The following CSNK2A2 variants were observed in gnomAD, a reference collection of about 807,000 sequenced individuals.
CSNK2A2 encodes casein kinase II subunit alpha'.
In CSNK2A2, 8 loss-of-function variants were observed where a neutral mutation model predicts 54.0. The observed-to-expected ratio is 0.15, with a 90% confidence interval of 0.09 to 0.27. The LOEUF is 0.27. CSNK2A2 is among the 10% of genes least tolerant of loss of function. CSNK2A2 has a pLI of 1.00. For synonymous variants in CSNK2A2, 141 were observed against 153.9 expected (o/e 0.92, Z 0.62); for missense variants, 242 against 439.4 (o/e 0.55, Z 4.02).
intron 3 of CSNK2A2, among the ~76,000 whole-genome samples, 155 bp from the exon 4 acceptor site, chr16:58,184,465 TATG>T (rs1015276508): frequency 2.6e-5 from 4 of 152,228 alleles, no homozygotes; most frequent in Non-Finnish European, 5.9e-5. Flanking sequence ...CTTGAAATTT[TATG>T]ATGTCTGGAA....
intron 2 of CSNK2A2, among the ~76,000 whole-genome samples, chr16:58,187,161 T>C (rs1042106933): frequency 1.3e-5 from 2 of 151,162 alleles, no homozygotes; most frequent in African/African-American, 4.9e-5. Flanking sequence ...TTGGGCTTAC[T>C]AGATAACTGC....
intron 9 of CSNK2A2, among the ~76,000 whole-genome samples, 171 bp from the exon 10 acceptor site, chr16:58,165,879 C>T (rs1961548287): frequency 6.6e-6 from 1 of 152,192 alleles, no homozygotes; most frequent in South Asian, 2.1e-4. Flanking sequence ...CATCCTGAAA[C>T]ACAATGGTGC....
At position 58,164,103 on chromosome 16, in the gene CSNK2A2, C is replaced by T. The variant is rs1961490132; in HGVS notation, c.1021G>A (p.Val341Met). 3.1e-6 allele frequency: 5 copies of T among 1,613,988 alleles called. No homozygotes were observed. The highest frequency in any genetic ancestry group is 4.2e-6 in the Non-Finnish European group (5 of 1,179,942). The change falls in exon 11 of 12, where the codon GTG (valine) becomes ATG (methionine). Residue 341 changes from valine (V) to methionine (M), a missense_variant. Val to Met is a conservative substitution (Grantham distance 21). Around this residue, in one of 5 missense-constraint regions of CSNK2A2, gnomAD observed 81 missense variants for 135.0 expected, o/e 0.60. Coordinates refer to ENST00000262506, the MANE Select transcript of CSNK2A2 (RefSeq NM_001896.4). ...EQSQPCADNA[V>M]LSSGLTAAR ...GCTGCCGTGAGACCACTGGAAAGCA[C>T]AGCATTGTCTGCACAAGGCTGGGAC...
chr16:58,194,750 T>C (rs1000304372), intron 2 of CSNK2A2, among the ~76,000 whole-genome samples: 3 of 152,216 alleles, frequency 2.0e-5, no homozygotes, highest in Non-Finnish European at 4.4e-5. Context: ...GGTCTCCCAT[T>C]TGTAAAGATA....
At chr16:58,176,230 GA>G (rs1383678288) in intron 4 of CSNK2A2, among the ~76,000 whole-genome samples, 1 of 152,164 alleles carries the variant, frequency 6.6e-6, no homozygotes, top group Admixed American at 6.5e-5. Context: ...TTTATTTCCA[GA>G]AAACTAACAT....
chr16:58,189,667 G>T (rs150044913), intron 2 of CSNK2A2, among the ~76,000 whole-genome samples: 1 of 152,148 alleles, frequency 6.6e-6, no homozygotes, highest in Non-Finnish European at 1.5e-5. Context: ...CCAAACTAGA[G>T]ACTGGGAATA....
At chr16:58,170,471 C>G (rs1038799712) in intron 5 of CSNK2A2, among the ~76,000 whole-genome samples, 2 of 152,034 alleles carry the variant, frequency 1.3e-5, no homozygotes, top group African/African-American at 4.8e-5. Context: ...TCCACTCATG[C>G]TTTCATTTCC....
Position 58,197,161 on chromosome 16 carries a change from C to A in CSNK2A2, c.105-317G>T, listed in dbSNP as rs1039212104. 3 of 348,510 alleles carry A rather than the reference C, an allele frequency of 8.6e-6. No homozygotes were observed. Among genetic ancestry groups the A allele is most frequent in the Non-Finnish European group, 1.6e-5 (3 of 185,542 alleles). The allele number at this position is 348,510 out of a possible 1,614,324, so 21.6% of individuals were successfully genotyped here. On this transcript the variant is annotated intron_variant, in intron 1 of 11. Transcript: ENST00000262506. The surrounding 1 kb of genome is among the most constrained non-coding windows in gnomAD (Gnocchi z 4.0). ...CCCCCTGTGCCCCGCGGCTCCCCAG[C>A]ACCTGCTTCTCGTTTCACATCTTCA...
chr16:58,197,553 G>T lies in CSNK2A2; in HGVS notation c.104+80C>A, dbSNP rs977364425. On this transcript the variant is annotated intron_variant, in intron 1 of 11. Transcript: ENST00000262506. This position sits in a 1 kb window ranked among gnomAD's most constrained non-coding sequence, Gnocchi z 4.0. ...GGAGGGGTCGGCGGGAGACACCACC[G>T]GGCCCGAGTGCGGTTCGCAGGGGGT... 191 of 929,170 alleles carry T rather than the reference G, an allele frequency of 2.1e-4. No homozygotes were observed. Among genetic ancestry groups the T allele is most frequent in the Non-Finnish European group, 2.9e-4 (184 of 639,126 alleles). The allele number at this position is 929,170 out of a possible 1,614,324, so 57.6% of individuals were successfully genotyped here. A position where few individuals can be genotyped will look rare whatever the true frequency, so the allele number is the denominator to read the frequency against.
rs1293208170 is a variant in CSNK2A2, at chr16:58,196,718, T to C, written c.216+15A>G. ...TGGGGAGGAAAATGTTACATACCAC[T>C]CATAGGACACTCACCTTCAGGATTT... On this transcript the variant is annotated intron_variant, in intron 2 of 11. Transcript: ENST00000262506. 1.3e-6 allele frequency: 2 copies of C among 1,549,198 alleles called. No homozygotes were observed. Among genetic ancestry groups the C allele is most frequent in the Non-Finnish European group, 1.8e-6 (2 of 1,120,928 alleles).
Position 58,158,770 on chromosome 16 carries a change from C to G in CSNK2A2, c.*18-417G>C, listed in dbSNP as rs1435297293. On this transcript the variant is annotated intron_variant, in intron 11 of 11. Transcript: ENST00000262506. The stretch of plus-strand genomic sequence containing the variant: ...CCTGATTATCTGAGGTGTCTTAGGA[C>G]TAAGACGGGGTCTGTATTTACTCAG... 4 of 152,306 alleles carry G rather than the reference C, an allele frequency of 2.6e-5. No homozygotes were observed. In the East Asian group the frequency reaches 5.8e-4, roughly 22 times the overall value. The allele number at this position is 152,306 out of a possible 1,614,324, so 9.4% of individuals were successfully genotyped here. A position where few individuals can be genotyped will look rare whatever the true frequency, so the allele number is the denominator to read the frequency against.
intron 5 of CSNK2A2, among the ~76,000 whole-genome samples, chr16:58,169,670 G>A (rs1230265331): frequency 2.6e-5 from 4 of 152,168 alleles, no homozygotes; most frequent in African/African-American, 7.2e-5. Flanking sequence ...GGCTTATTTT[G>A]TACATAAGGG....
At position 58,197,047 on chromosome 16, in the gene CSNK2A2, C is replaced by T. The variant is rs990849655; in HGVS notation, c.105-203G>A. ...AGAGCTCCTAACCTAATTGGTCTCT[C>T]CTAACTTGGGAAGATGGGGCAGGAA... On this transcript the variant is annotated intron_variant, in intron 1 of 11. Coordinates refer to ENST00000262506, the MANE Select transcript of CSNK2A2 (RefSeq NM_001896.4). The surrounding 1 kb of genome is among the most constrained non-coding windows in gnomAD (Gnocchi z 4.0). 1.8e-6 allele frequency: 1 copy of T among 541,934 alleles called. No individual in the cohort carries two copies. The highest frequency in any genetic ancestry group is 3.3e-6 in the Non-Finnish European group (1 of 299,090). 33.6% of individuals were successfully genotyped at this position (541,934 alleles called of 1,614,324 possible).
intron 4 of CSNK2A2, among the ~76,000 whole-genome samples, chr16:58,180,177 A>G (rs1961996124): frequency 6.6e-6 from 1 of 152,036 alleles, no homozygotes; most frequent in African/African-American, 2.4e-5. Flanking sequence ...ACAAAGTTGA[A>G]GGAAGAAAGA....
At chr16:58,186,006 C>A (rs938513603) in intron 3 of CSNK2A2, among the ~76,000 whole-genome samples, 1 of 152,192 alleles carries the variant, frequency 6.6e-6, no homozygotes, top group African/African-American at 2.4e-5. Context: ...AAACCTATTT[C>A]TTTAATAAAC....
intron 4 of CSNK2A2, among the ~76,000 whole-genome samples, chr16:58,179,242 G>A (rs770788506): frequency 2.6e-5 from 4 of 152,188 alleles, no homozygotes; most frequent in Non-Finnish European, 4.4e-5. Flanking sequence ...GCTCAAGCCT[G>A]TAATCCCAGC....
At chr16:58,174,149 G>T in intron 5 of CSNK2A2, 1 of 225,650 alleles carries the variant, frequency 4.4e-6, no homozygotes, top group Non-Finnish European at 8.5e-6. Flanking sequence ...GGGATGATTT[G>T]TTACATTCAC....
chr16:58,166,543 A>G (rs749628522), intron 9 of CSNK2A2, 41 bp downstream of exon 9: 1 of 1,394,824 alleles, frequency 7.2e-7, no homozygotes, highest in East Asian at 2.3e-5. Context: ...CACTTCTGAA[A>G]CGGGGTAAGG....
At position 58,167,286 on chromosome 16, in the gene CSNK2A2, A is replaced by G; in HGVS notation, c.647T>C (p.Met216Thr). 1 of 1,613,394 alleles carries G rather than the reference A, an allele frequency of 6.2e-7. No homozygotes were observed. Among genetic ancestry groups the G allele is most frequent in the Non-Finnish European group, 8.5e-7 (1 of 1,179,654 alleles). Residue 216 changes from methionine (M) to threonine (T), a missense_variant, in exon 8 of 12, where the codon ATG (methionine) becomes ACG (threonine). Physicochemically the swap from Met to Thr is moderately conservative, Grantham distance 81. Coordinates refer to ENST00000262506, the MANE Select transcript of CSNK2A2 (RefSeq NM_001896.4). The part of the protein sequence containing the change: ...DYQMYDYSLD[M>T]WSLGCMLASM... ...TGCTAACATACAGCCCAAACTCCAC[A>G]TGTCCAAGCTATAATCATACATCTG...
Sources: gnomAD v4.1 joint callset for allele counts (sites outside exome capture counted in the v4.1 genomes callset) on GRCh38, gnomAD v4.1.1 for gene constraint, gnomAD v4.1.1 regional missense constraint, Gnocchi (gnomAD v3.1) non-coding constraint, MANE v1.5 for transcripts, NCBI Gene and HGNC (gene_info 2026-07-23, HGNC 2026-07-21) for gene names.